The following TNRC6B variants were observed in gnomAD, a reference collection of about 807,000 sequenced individuals.
TNRC6B encodes trinucleotide repeat-containing gene 6B protein.
TNRC6B carries 52 observed loss-of-function variants against 203.6 expected under a neutral mutation model. The observed-to-expected ratio is 0.26, with a 90% CI of 0.20 to 0.32. TNRC6B has a LOEUF of 0.32. TNRC6B is among the 10% of genes least tolerant of loss of function. TNRC6B has a pLI of 1.00. For missense variants in TNRC6B, 1,923 were observed against 2,286.2 expected (o/e 0.84, Z 3.24); for synonymous variants, 838 against 845.7 (o/e 0.99, Z 0.16).
intron 3 of TNRC6B, among the ~76,000 whole-genome samples, chr22:40,135,017 G>A (rs895877871): frequency 5.3e-5 from 8 of 152,192 alleles, no homozygotes; most frequent in African/African-American, 1.9e-4. Flanking sequence ...ATGCCTGAAA[G>A]GGCCCACTCA....
At chr22:40,187,126 A>T (rs1233940315) in intron 1 of TNRC6B, among the ~76,000 whole-genome samples, 1 of 152,222 alleles carries the variant, frequency 6.6e-6, no homozygotes, top group Non-Finnish European at 1.5e-5. Flanking sequence ...CACTAGTCTC[A>T]TTGCAAGTGC....
chr22:40,055,333 C>T (rs1049358498), intron 1 of TNRC6B, among the ~76,000 whole-genome samples: 3 of 152,118 alleles, frequency 2.0e-5, no homozygotes, highest in Non-Finnish European at 2.9e-5. Context: ...GAAGGTGACA[C>T]TCACACTAAG....
chr22:40,251,304 G>A, intron 3 of TNRC6B, 104 bp downstream of exon 3: 1 of 860,792 alleles, frequency 1.2e-6, no homozygotes, highest in Non-Finnish European at 1.7e-6. Context: ...AGTGGGCGTA[G>A]AGTAATTAAG....
chr22:40,271,283 C>T (rs2070559632), intron 6 of TNRC6B, among the ~76,000 whole-genome samples: 1 of 152,152 alleles, frequency 6.6e-6, no homozygotes, highest in Non-Finnish European at 1.5e-5. Flanking sequence ...CTCTTTTCTA[C>T]CATATAGAAG....
At chr22:40,046,442 A>G (rs148670220) in intron 1 of TNRC6B, among the ~76,000 whole-genome samples, 70 of 152,130 alleles carry the variant, frequency 4.6e-4, no homozygotes, top group Non-Finnish European at 8.2e-4. Flanking sequence ...TGATGATGAT[A>G]ATAATACTTT....
Position 40,308,601 on chromosome 22 carries a change from G to C in TNRC6B, c.4210G>C (p.Glu1404Gln). The part of the protein sequence containing the change: ...SRFKQWTSMM[E>Q]GLPSVATQEA... Reference sequence around the variant, plus strand: ...CTTTAAACAGTGGACCTCCATGATGGAGGGGCTGCCCTCTGTAGCCACACA... The same window carrying C: ...CTTTAAACAGTGGACCTCCATGATGCAGGGGCTGCCCTCTGTAGCCACACA... The change falls in exon 16 of 23, where the codon GAG becomes CAG. Residue 1404 changes from glutamate (E) to glutamine (Q), a missense_variant. Transcript: ENST00000454349. 2 of 1,614,036 alleles carry C rather than the reference G, an allele frequency of 1.2e-6. No individual in the cohort carries two copies. Among genetic ancestry groups the C allele is most frequent in the Non-Finnish European group, 8.5e-7 (1 of 1,179,898 alleles).
chr22:40,300,836 C>G (rs1366549616), intron 13 of TNRC6B, 74 bp from the exon 14 acceptor site: 8 of 1,445,434 alleles, frequency 5.5e-6, no homozygotes, highest in Non-Finnish European at 7.6e-6. Context: ...CTTCAGTGCA[C>G]AGACCCTTTA....
chr22:40,116,099 C>T (rs1451630321), intron 1 of TNRC6B, among the ~76,000 whole-genome samples: 4 of 152,246 alleles, frequency 2.6e-5, no homozygotes, highest in Non-Finnish European at 4.4e-5. Context: ...CATCTCAGCA[C>T]TGTGCTCTAA....
At chr22:40,264,553 C>T (rs890161946) in intron 4 of TNRC6B, 135 bp from the exon 5 acceptor site, 7 of 946,888 alleles carry the variant, frequency 7.4e-6, no homozygotes, top group African/African-American at 5.0e-5. Flanking sequence ...AGTTGTGATA[C>T]AAGCAACTGG....
At chr22:40,139,472 C>T (rs980182740) in intron 3 of TNRC6B, among the ~76,000 whole-genome samples, 1 of 152,040 alleles carries the variant, frequency 6.6e-6, no homozygotes, top group Non-Finnish European at 1.5e-5. Flanking sequence ...GCTGGGATTA[C>T]AGGCGCATGC....
At chr22:40,272,264 T>C (rs968152266) in intron 6 of TNRC6B, among the ~76,000 whole-genome samples, 1 of 152,140 alleles carries the variant, frequency 6.6e-6, no homozygotes, top group African/African-American at 2.4e-5. Flanking sequence ...GTGGCTACAA[T>C]GAACCCCACT....
chr22:40,130,189 G>A (rs1385245500), intron 3 of TNRC6B, among the ~76,000 whole-genome samples: 1 of 152,158 alleles, frequency 6.6e-6, no homozygotes, highest in East Asian at 1.9e-4. Context: ...AAGGCAGAGT[G>A]CAGTTAGAAA....
intron 3 of TNRC6B, among the ~76,000 whole-genome samples, chr22:40,149,994 C>CA (rs397796870): frequency 0.68 from 102,806 of 151,770 alleles, 36,503 homozygotes; most frequent in African/African-American, 0.9. Context: ...TGAAAGCCAA[C>CA]AAAAAATTGA....
intron 1 of TNRC6B, among the ~76,000 whole-genome samples, chr22:40,210,965 T>C (rs1248567670): frequency 6.6e-6 from 1 of 152,164 alleles, no homozygotes; most frequent in Non-Finnish European, 1.5e-5. Context: ...AATGTCTCTA[T>C]ATATTGTCAG....
intron 3 of TNRC6B, among the ~76,000 whole-genome samples, chr22:40,146,722 G>C (rs1056358562): frequency 6.6e-6 from 1 of 152,056 alleles, no homozygotes; most frequent in Non-Finnish European, 1.5e-5. Flanking sequence ...GCCATGCCTG[G>C]CTAATTTTTT....
At chr22:40,260,401 C>T (rs2070361263) in intron 3 of TNRC6B, among the ~76,000 whole-genome samples, 1 of 152,068 alleles carries the variant, frequency 6.6e-6, no homozygotes, top group Admixed American at 6.6e-5. Context: ...AAGATGGGTC[C>T]TTGCCCTCAG....
chr22:40,178,272 G>A, intron 1 of TNRC6B, 132 bp downstream of exon 1: 2 of 1,021,770 alleles, frequency 2.0e-6, no homozygotes, highest in Non-Finnish European at 2.9e-6. Context: ...GTGGATCTGT[G>A]TAAATCAGAC....
chr22:40,068,070 T>G (rs1465490377), intron 1 of TNRC6B, among the ~76,000 whole-genome samples: 1 of 152,098 alleles, frequency 6.6e-6, no homozygotes. Context: ...TTAAAATTGT[T>G]TTTCCATAGT....
chr22:40,158,482 A>G (rs1174809955), intron 4 of TNRC6B, among the ~76,000 whole-genome samples: 1 of 152,230 alleles, frequency 6.6e-6, no homozygotes, highest in East Asian at 1.9e-4. Flanking sequence ...CCATTTCTCA[A>G]ACAAACCAGT....
Sources: allele counts gnomAD v4.1 joint callset (sites outside exome capture counted in the v4.1 genomes callset), GRCh38; gene constraint gnomAD v4.1.1; transcripts MANE v1.5; gene names NCBI Gene and HGNC (gene_info 2026-07-23, HGNC 2026-07-21).